The following CCDC57 variants were observed in gnomAD, a reference collection of about 807,000 sequenced individuals.
CCDC57 encodes coiled-coil domain containing 57.
A neutral mutation model predicts 118.9 loss-of-function variants in CCDC57; 118 were observed. The ratio of observed to expected loss-of-function variants is 0.99; its 90% CI spans 0.86 to 1.16. The LOEUF (loss-of-function observed/expected upper bound fraction) is 1.16. Among genes scored for constraint, CCDC57 ranks in the 50% most tolerant of loss-of-function variants. CCDC57 has a pLI of 0.00. For missense variants in CCDC57, 1,300 were observed against 1,320.7 expected (o/e 0.98, Z 0.24); for synonymous variants, 527 against 532.9 (o/e 0.99, Z 0.15).
chr17:82,138,923 T>C (rs2039661010), intron 16 of CCDC57, among the ~76,000 whole-genome samples: 1 of 152,210 alleles, frequency 6.6e-6, no homozygotes, highest in South Asian at 2.1e-4. Flanking sequence ...CACCTTACTT[T>C]AACGTGAGCT....
chr17:82,168,813 G>A (rs2044318508), intron 13 of CCDC57, among the ~76,000 whole-genome samples: 1 of 149,262 alleles, frequency 6.7e-6, no homozygotes, highest in Admixed American at 6.6e-5. Flanking sequence ...AACCCTAAAT[G>A]TATACACATC....
chr17:82,101,636 C>T (rs768521302), exon 20 of CCDC57: 5 of 1,466,078 alleles, frequency 3.4e-6, no homozygotes, highest in African/African-American at 2.8e-5. Flanking sequence ...AGGCACCATG[C>T]GGAGGCCCCG....
At chr17:82,156,828 G>C (rs2042734227) in intron 15 of CCDC57, 1 of 152,600 alleles carries the variant, frequency 6.6e-6, no homozygotes, top group South Asian at 2.1e-4. Context: ...TGGAGCCTGA[G>C]ACAGCCACGG....
At position 82,125,634 on chromosome 17, in the gene CCDC57, C is replaced by T. The variant is rs189079372; in HGVS notation, c.2899+2058G>A. Among the ~76,000 whole-genome samples the T allele has an allele frequency of 4.6e-5, 7 of 152,236 alleles. No individual in the cohort carries two copies. In the East Asian group the frequency reaches 1.4e-3, roughly 29 times the overall value. On this transcript the variant is annotated intron_variant, in intron 19 of 19. Coordinates refer to ENST00000665763, the Ensembl canonical transcript of CCDC57. Reference sequence around the variant, plus strand: ...CAACTGATCCACCTGCCTTAGCCTCCCAAAGTGCTGAGATTATAGGCACGA... The same window carrying T: ...CAACTGATCCACCTGCCTTAGCCTCTCAAAGTGCTGAGATTATAGGCACGA...
chr17:82,201,771 G>A lies in CCDC57; in HGVS notation c.174C>T (p.Val58=), dbSNP rs145545838. The A allele has an allele frequency of 8.4e-5, 136 of 1,613,836 alleles. No homozygotes were observed. The African/African-American group carries it at 1.5e-3, about 18-fold the overall frequency. The change falls in exon 3 of 20, where the codon GTC becomes GTT. Residue 58 remains valine (V), a synonymous_variant. Transcript: ENST00000665763. ...GCTCCTCCAGCACCTGAAGGTTGTA[G>A]ACAAAGTCCTCCTGCAGGCACCGCA... is the stretch of plus-strand genomic sequence containing the variant.
intron 15 of CCDC57, chr17:82,153,881 T>A (rs78787432): frequency 0.018 from 2,694 of 152,476 alleles, 214 homozygotes; most frequent in Admixed American, 0.14. Flanking sequence ...TGCTGAAATG[T>A]CTTCACGTCC....
chr17:82,193,615 G>A, intron 7 of CCDC57, 141 bp downstream of exon 6: 1 of 655,204 alleles, frequency 1.5e-6, no homozygotes, highest in South Asian at 1.9e-5. Flanking sequence ...GAAGGAGAAA[G>A]AAATCCAAAA....
intron 2 of CCDC57, among the ~76,000 whole-genome samples, chr17:82,204,447 G>A (rs1371320630): frequency 6.6e-6 from 1 of 152,122 alleles, no homozygotes; most frequent in Non-Finnish European, 1.5e-5. Context: ...GGCCTCTGCT[G>A]TGCACTCCCA....
intron 19 of CCDC57, among the ~76,000 whole-genome samples, chr17:82,120,705 T>C (rs1008960389): frequency 2.0e-5 from 3 of 152,198 alleles, no homozygotes; most frequent in Non-Finnish European, 2.9e-5. Flanking sequence ...TCCTAAATCC[T>C]TCACAGGGTG....
At chr17:82,193,587 G>C (rs1388029431) in intron 7 of CCDC57, among the ~76,000 whole-genome samples, 169 bp downstream of exon 6, 5 of 151,778 alleles carry the variant, frequency 3.3e-5, no homozygotes, top group African/African-American at 1.2e-4. Flanking sequence ...AAGCAAGCAA[G>C]AAAGAAAGGA....
intron 10 of CCDC57, 73 bp downstream of exon 9, chr17:82,178,954 C>A (rs1049270195): frequency 2.5e-4 from 368 of 1,501,710 alleles, no homozygotes; most frequent in Non-Finnish European, 3.0e-4. Context: ...TTGGTAAGAA[C>A]CAGACCCGTC....
intron 11 of CCDC57, among the ~76,000 whole-genome samples, chr17:82,176,440 T>G (rs1318979657): frequency 6.6e-6 from 1 of 152,220 alleles, no homozygotes; most frequent in Non-Finnish European, 1.5e-5. Flanking sequence ...GCGGAGCATA[T>G]GCGAAACCGT....
chr17:82,188,287 C>G, exon 8 of CCDC57: 1 of 1,587,970 alleles, frequency 6.3e-7, no homozygotes, highest in South Asian at 1.1e-5. Context: ...GGAGCTGCGC[C>G]TCGAGGGTCT....
rs1041491353 is a variant in CCDC57, at chr17:82,119,878, C to G, written c.2899+7814G>C. Among the ~76,000 whole-genome samples the G allele has an allele frequency of 3.9e-5, 6 of 152,228 alleles. No homozygotes were observed. In the South Asian group the frequency reaches 1.2e-3, roughly 32 times the overall value. On this transcript the variant is annotated intron_variant, in intron 19 of 19. Coordinates refer to ENST00000665763, the Ensembl canonical transcript of CCDC57. ...CTTGGAGGTGGGTCCTCCAAAGAGC[C>G]GCATCCAGGGTGTATGGGGGAGCCC... is the stretch of plus-strand genomic sequence containing the variant.
chr17:82,145,937 C>A (rs560691171), intron 16 of CCDC57: 1 of 340,236 alleles, frequency 2.9e-6, no homozygotes, highest in South Asian at 2.1e-5. Flanking sequence ...CACCTCCCCC[C>A]ACAGCCATCT....
chr17:82,171,606 C>G (rs2044747437), intron 13 of CCDC57, 95 bp downstream of exon 12: 1 of 1,369,362 alleles, frequency 7.3e-7, no homozygotes, highest in South Asian at 1.4e-5. Flanking sequence ...TCTGCAGTAG[C>G]CTTGAGCTGT....
intron 16 of CCDC57, among the ~76,000 whole-genome samples, chr17:82,144,565 CCTG>C (rs2040457931): frequency 7.6e-6 from 1 of 132,142 alleles, no homozygotes; most frequent in Non-Finnish European, 1.6e-5. Context: ...TCTCCAGGCT[CCTG>C]GAAGACCCCA....
At position 82,127,595 on chromosome 17, in the gene CCDC57, A is replaced by G; in HGVS notation, c.2899+97T>C. The G allele has an allele frequency of 1.4e-6, 2 of 1,477,644 alleles. 1 individual carries two copies. The highest frequency in any genetic ancestry group is 2.6e-5 in the South Asian group (2 of 75,988). The allele number at this position is 1,477,644 out of a possible 1,614,324, so 91.5% of individuals were successfully genotyped here. The stretch of plus-strand genomic sequence containing the variant: ...AAGTGCAGGGATTTCAGGGTGCAGG[A>G]GGCACGCAGGGTGCTGACTCTCCAC... On this transcript the variant is annotated intron_variant, in intron 19 of 19. Transcript: ENST00000665763.
intron 8 of CCDC57, among the ~76,000 whole-genome samples, chr17:82,186,292 G>A (rs973589443): frequency 2.6e-5 from 4 of 152,094 alleles, no homozygotes; most frequent in African/African-American, 9.7e-5. Flanking sequence ...GAGTATTTAC[G>A]GACAGAAAAC....
Sources: allele counts gnomAD v4.1 joint callset (sites outside exome capture counted in the v4.1 genomes callset), GRCh38; gene constraint gnomAD v4.1.1; transcripts MANE v1.5; gene names NCBI Gene and HGNC (gene_info 2026-07-23, HGNC 2026-07-21).